Variants in MASTL observed in about 807,000 individuals in gnomAD.
The protein encoded by MASTL is serine/threonine-protein kinase greatwall.
Under a neutral mutation model 82.5 loss-of-function variants are expected in MASTL, and 54 were observed. That is an observed-to-expected ratio of 0.65 (90% confidence interval 0.53 to 0.82). The LOEUF is 0.82. Among genes scored for constraint, MASTL ranks in the 40% least tolerant of loss-of-function variants. The pLI, the probability that MASTL is intolerant of heterozygous loss-of-function variation, is 0.00. For synonymous variants in MASTL, 323 were observed against 368.9 expected, an observed-to-expected ratio of 0.88 and a Z score of 1.43; for missense variants, 950 against 1,047.8, an observed-to-expected ratio of 0.91 and a Z score of 1.29.
intron 11 of MASTL, among the ~76,000 whole-genome samples, chr10:27,184,553 G>GTTT (rs2058535007): frequency 1.3e-5 from 1 of 74,912 alleles, no homozygotes. Flanking sequence ...ATATAAGAAG[G>GTTT]ATTTTTTTTT....
rs770133536 is a variant in MASTL at position 27,155,405 on chromosome 10, G to T, written c.-22G>T. ...GCTCGCGGAGGGGCAGTGTCTGCGGGGCCGCTGTATGCTGTCCAGCGATGG... is the reference window on the plus strand; with the variant it reads ...GCTCGCGGAGGGGCAGTGTCTGCGGTGCCGCTGTATGCTGTCCAGCGATGG... On this transcript the variant is annotated 5_prime_UTR_variant, in exon 1 of 12. Transcript: ENST00000375940. 6.3e-7 allele frequency: 1 copy of T among 1,586,446 alleles called. No homozygotes were observed. The highest frequency in any genetic ancestry group is 8.6e-7 in the Non-Finnish European group (1 of 1,168,120).
rs767356352 is a variant in MASTL, at chr10:27,181,074, T to G, written c.2380+8T>G. Reference sequence around the variant, plus strand: ...AGAATATTCTGAAAAGAGGTGATTCTTTTTCTCCTATTAAGATAGTCATTT... The same window carrying G: ...AGAATATTCTGAAAAGAGGTGATTCGTTTTCTCCTATTAAGATAGTCATTT... On this transcript the variant is annotated splice_region_variant and intron_variant, in intron 10 of 11. Transcript: ENST00000375940. 1.3e-6 allele frequency: 2 copies of G among 1,540,524 alleles called. No individual in the cohort carries two copies. The highest frequency in any genetic ancestry group is 1.8e-6 in the Non-Finnish European group (2 of 1,112,970).
intron 4 of MASTL, among the ~76,000 whole-genome samples, chr10:27,162,428 C>G (rs2057600453): frequency 1.3e-5 from 2 of 152,080 alleles, no homozygotes; most frequent in African/African-American, 4.8e-5. Context: ...TCTGGGAGGC[C>G]GAGGCGGGTA....
In MASTL at chr10:27,181,554, G is replaced by A; in HGVS notation, c.2455G>A (p.Asp819Asn). 1.2e-6 allele frequency: 2 copies of A among 1,611,932 alleles called. No individual in the cohort carries two copies. Among genetic ancestry groups the A allele is most frequent in the Non-Finnish European group, 1.7e-6 (2 of 1,178,328 alleles). The change falls in exon 11 of 12, where the codon GAT becomes AAT. Residue 819 changes from aspartate to asparagine, a missense_variant. Asp to Asn is a conservative substitution (Grantham distance 23, BLOSUM62 1). Transcript: ENST00000375940. Reference protein sequence around the residue: ...QSAVEILLTIDDTKRAGMKEL... With the variant: ...QSAVEILLTINDTKRAGMKEL... ...TGCAGTAGAAATACTTTTAACCATT[G>A]ATGATACAAAGAGAGCTGGAATGAA...
chr10:27,164,222 G>A (rs10764681), intron 4 of MASTL, among the ~76,000 whole-genome samples: 11,193 of 152,232 alleles, frequency 0.074, 594 homozygotes, highest in African/African-American at 0.15. Flanking sequence ...ATAGCTTACT[G>A]TAGCCTTGAA....
At chr10:27,176,899 G>A (rs2887190) in intron 9 of MASTL, among the ~76,000 whole-genome samples, 89,837 of 148,928 alleles carry the variant, frequency 0.6, 27,343 homozygotes, top group Non-Finnish European at 0.65. Flanking sequence ...AGACTGGAGT[G>A]CAGTGGCGCA....
At chr10:27,162,544 C>G (rs12249954) in intron 4 of MASTL, among the ~76,000 whole-genome samples, 1 of 152,178 alleles carries the variant, frequency 6.6e-6, no homozygotes, top group African/African-American at 2.4e-5. Flanking sequence ...TGGCACACGC[C>G]TGTAGTCCCA....
chr10:27,159,527 A>G lies in MASTL; in HGVS notation c.325-92A>G, dbSNP rs1468189160. On this transcript the variant is annotated intron_variant, in intron 2 of 11. Transcript: ENST00000375940. This position sits in a 1 kb window ranked among gnomAD's most constrained non-coding sequence, Gnocchi z 4.0. ...GAAAAGGTCGTTTCATTACAGAGCC[A>G]TGCCAAATATTGTAACTGTAATGCC... The G allele has an allele frequency of 4.6e-6, 4 of 872,446 alleles. No individual in the cohort carries two copies. In the African/African-American group the frequency reaches 6.7e-5, roughly 15 times the overall value. The allele number at this position is 872,446 out of a possible 1,614,324, so 54.0% of individuals were successfully genotyped here.
In MASTL at chr10:27,161,109, C is replaced by CA. The variant is rs2057557766; in HGVS notation, c.482dup (p.Asn161LysfsTer6). On this transcript the variant is annotated frameshift_variant, in exon 4 of 12. Coordinates refer to ENST00000375940, the MANE Select transcript of MASTL (RefSeq NM_001172303.3). LOFTEE classifies it high-confidence loss of function. ...GTGTGTGCAGGGACTTGAAACCGGA[C>CA]AATATGCTTATTTCTAATGAGGGTC... is the stretch of plus-strand genomic sequence containing the variant. The CA allele has an allele frequency of 6.2e-7, 1 of 1,612,150 alleles. No individual in the cohort carries two copies. The highest frequency in any genetic ancestry group is 1.3e-5 in the African/African-American group (1 of 74,850).
At chr10:27,168,311 A>G (rs1050500546) in intron 7 of MASTL, among the ~76,000 whole-genome samples, 2 of 152,130 alleles carry the variant, frequency 1.3e-5, no homozygotes, top group Non-Finnish European at 2.9e-5. Flanking sequence ...CTCCTTTCCT[A>G]TTGAAGAAAA....
chr10:27,155,305 C>T, upstream of MASTL: 1 of 969,292 alleles, frequency 1.0e-6, no homozygotes, highest in Non-Finnish European at 1.5e-6. Flanking sequence ...GGGCGGGGCG[C>T]GGCGGCGGGG....
chr10:27,172,465 A>AC (rs2057978504), intron 8 of MASTL, among the ~76,000 whole-genome samples: 1 of 152,006 alleles, frequency 6.6e-6, no homozygotes, highest in East Asian at 1.9e-4. Flanking sequence ...GACCAGCCTG[A>AC]CCAACATGGA....
At chr10:27,165,210 CATG>C in intron 5 of MASTL, 40 bp downstream of exon 5, 1 of 1,426,484 alleles carries the variant, frequency 7.0e-7, no homozygotes. Flanking sequence ...CATACCCCTT[CATG>C]ATCACCACTT....
At chr10:27,157,338 T>A (rs1336261562) in intron 1 of MASTL, among the ~76,000 whole-genome samples, 2 of 152,190 alleles carry the variant, frequency 1.3e-5, no homozygotes, top group Non-Finnish European at 2.9e-5. Flanking sequence ...GTTCAGTCAG[T>A]ATTTGCTTAG....
Position 27,165,124 on chromosome 10 carries a change from C to T in MASTL, c.614C>T (p.Ser205Leu). ...ATGGCAAAACCTAGACAAGATTATT[C>T]AAGAACCCCAGGACAAGTGTTATCG... is the stretch of plus-strand genomic sequence containing the variant. ...PSMAKPRQDY[S>L]RTPGQVLSLI... The change falls in exon 5 of 12, where the codon TCA becomes TTA. Residue 205 changes from serine (S) to leucine (L), a missense_variant. Transcript: ENST00000375940. 6.2e-7 allele frequency: 1 copy of T among 1,613,528 alleles called. No individual in the cohort carries two copies. The highest frequency in any genetic ancestry group is 8.5e-7 in the Non-Finnish European group (1 of 1,179,572).
chr10:27,185,965 T>C (rs1247375976), intron 11 of MASTL, among the ~76,000 whole-genome samples: 2 of 151,988 alleles, frequency 1.3e-5, no homozygotes, highest in South Asian at 4.2e-4. Context: ...GGCACACACC[T>C]GTAATCCCAG....
intron 7 of MASTL, among the ~76,000 whole-genome samples, chr10:27,169,119 A>G (rs1051758447): frequency 6.6e-6 from 1 of 152,184 alleles, no homozygotes; most frequent in African/African-American, 2.4e-5. Context: ...TGGGGTTTGT[A>G]ATTATTAATT....
At chr10:27,161,490 CAA>C (rs906239643) in intron 4 of MASTL, among the ~76,000 whole-genome samples, 7 of 144,196 alleles carry the variant, frequency 4.9e-5, no homozygotes, top group African/African-American at 1.8e-4. Flanking sequence ...GACTGGGAAA[CAA>C]AGTGAAAATC....
intron 8 of MASTL, among the ~76,000 whole-genome samples, chr10:27,171,622 G>A (rs1254095189): frequency 1.3e-5 from 2 of 150,750 alleles, no homozygotes; most frequent in South Asian, 2.1e-4. Flanking sequence ...TAGTAGAGTC[G>A]GAATTTCACC....
Sources: allele counts gnomAD v4.1 joint callset (sites outside exome capture counted in the v4.1 genomes callset), GRCh38; gene constraint gnomAD v4.1.1; non-coding constraint Gnocchi (gnomAD v3.1); transcripts MANE v1.5; gene names NCBI Gene and HGNC (gene_info 2026-07-23, HGNC 2026-07-21).